The following MBTPS2 variants were observed in gnomAD, a reference collection of about 807,000 sequenced individuals.
MBTPS2 encodes the protein membrane-bound transcription factor site-2 protease.
In MBTPS2, 2 loss-of-function variants were observed where a neutral mutation model predicts 35.4. The observed-to-expected ratio is 0.06, with a 90% CI of 0.02 to 0.18. The LOEUF (loss-of-function observed/expected upper bound fraction) is 0.18, where lower values mean the gene tolerates loss of function less well. Among genes scored for constraint, MBTPS2 ranks in the 10% least tolerant of loss-of-function variants. The pLI is 1.00. For missense variants in MBTPS2, 244 were observed against 386.5 expected (o/e 0.63, Z 3.09); for synonymous variants, 125 against 140.4 (o/e 0.89, Z 0.77).
Position 21,885,218 on chromosome X carries a change from T to A in MBTPS2, c.*2563T>A. 3 of 751,750 alleles carry A rather than the reference T, an allele frequency of 4.0e-6. No individual in the cohort carries two copies. Among genetic ancestry groups the A allele is most frequent in the Non-Finnish European group, 4.7e-6 (3 of 636,938 alleles). The allele number at this position is 751,750 out of a possible 1,213,427, so 62.0% of individuals were successfully genotyped here. ...CTAACAGCAAATTGTAAACATGTGC[T>A]TCATAGATATTGTGGCTCTCAGTCA... On this transcript the variant is annotated 3_prime_UTR_variant, in exon 11 of 11. Coordinates refer to ENST00000379484, the MANE Select transcript of MBTPS2 (RefSeq NM_015884.4).
At chrX:21,845,446 A>T in intron 3 of MBTPS2, 62 bp downstream of exon 3, 1 of 1,040,051 alleles carries the variant, frequency 9.6e-7, no homozygotes, top group Non-Finnish European at 1.3e-6. Context: ...ACCACTTATG[A>T]TCTAGTGTAA....
chrX:21,861,124 G>C (rs1388500983), intron 5 of MBTPS2, among the ~76,000 whole-genome samples: 1 of 112,140 alleles, frequency 8.9e-6, no homozygotes, highest in Non-Finnish European at 1.9e-5. Context: ...GCAATGGATA[G>C]AAATAAGTAG....
At chrX:21,851,739 C>CA in intron 4 of MBTPS2, 127 bp downstream of exon 4, 1 of 512,117 alleles carries the variant, frequency 2.0e-6, no homozygotes, top group Non-Finnish European at 3.5e-6. Context: ...TTGCCTAGTG[C>CA]ATAGCCATCA....
intron 5 of MBTPS2, among the ~76,000 whole-genome samples, chrX:21,865,414 T>C (rs1409549332): frequency 8.9e-6 from 1 of 111,954 alleles, no homozygotes; most frequent in East Asian, 2.8e-4. Flanking sequence ...TAGATTGCTT[T>C]AAAAAAATTC....
chrX:21,851,285 G>T (rs1231827237), intron 3 of MBTPS2, among the ~76,000 whole-genome samples: 1 of 111,759 alleles, frequency 8.9e-6, no homozygotes, highest in Non-Finnish European at 1.9e-5. Context: ...TTAGACTGGT[G>T]GTGTGCTTGT....
chrX:21,856,316 C>T (rs1033284674), intron 5 of MBTPS2: 30 of 453,462 alleles, frequency 6.6e-5, no homozygotes, highest in Admixed American at 1.6e-4. Context: ...TTCTCTGCAG[C>T]TCGCGCCTTT....
chrX:21,868,485 T>C lies in MBTPS2; in HGVS notation c.689T>C (p.Val230Ala). The C allele has an allele frequency of 8.3e-7, 1 of 1,201,999 alleles. No homozygotes were observed. The highest frequency in any genetic ancestry group is 1.1e-6 in the Non-Finnish European group (1 of 886,676). ...TTTCCAGGTATCTGGCATAATTTTG[T>C]CCTTGCACTCTTGGGTATTTTAGCT... ...IFCAGIWHNF[V>A]LALLGILALV... The change falls in exon 6 of 11, where the codon GTC becomes GCC. Residue 230 changes from valine to alanine, a missense_variant. Coordinates refer to ENST00000379484, the MANE Select transcript of MBTPS2 (RefSeq NM_015884.4).
intron 5 of MBTPS2, among the ~76,000 whole-genome samples, chrX:21,854,085 A>C (rs1030635981): frequency 2.7e-5 from 3 of 111,926 alleles, no homozygotes; most frequent in Non-Finnish European, 5.6e-5. Flanking sequence ...ACAACAACAA[A>C]AAAAACCTGA....
chrX:21,854,879 T>C (rs1412361893), intron 5 of MBTPS2, among the ~76,000 whole-genome samples: 1 of 112,021 alleles, frequency 8.9e-6, no homozygotes, highest in East Asian at 2.8e-4. Flanking sequence ...ACCTGAAATT[T>C]AGAAATTTAT....
chrX:21,881,263 A>T lies in MBTPS2; in HGVS notation c.1337+291A>T, dbSNP rs73444530. Among the ~76,000 whole-genome samples, 5,242 of 111,885 alleles carry T rather than the reference A, an allele frequency of 0.047. 290 individuals carry two copies. The highest frequency in any genetic ancestry group is 0.16 in the African/African-American group (4,942 of 30,659). On this transcript the variant is annotated intron_variant, in intron 10 of 10. Coordinates refer to ENST00000379484, the MANE Select transcript of MBTPS2 (RefSeq NM_015884.4). ...AAACATTTTAGTAAGTTTATAAAGG[A>T]TGGAAGCTTCAGTTACTACTGAGGT...
At chrX:21,873,999 G>GTA (rs778982740) in intron 7 of MBTPS2, among the ~76,000 whole-genome samples, 107 of 62,864 alleles carry the variant, frequency 1.7e-3, no homozygotes, top group African/African-American at 4.4e-3. Flanking sequence ...GTGTGTGTGT[G>GTA]TGTATATATA....
Position 21,856,732 on chromosome X carries a change from C to T in MBTPS2, c.670+3229C>T, listed in dbSNP as rs2092923246. On this transcript the variant is annotated intron_variant, in intron 5 of 10. Coordinates refer to ENST00000379484, the MANE Select transcript of MBTPS2 (RefSeq NM_015884.4). The stretch of plus-strand genomic sequence containing the variant: ...GACCAGGAAATGCTTATGTTGCAGA[C>T]ACAAGAGGAAGTGGTGGGCTATTGC... 4.1e-6 allele frequency: 5 copies of T among 1,211,845 alleles called. No individual in the cohort carries two copies. The East Asian group carries it at 1.2e-4, about 29-fold the overall frequency.
At chrX:21,856,824 G>A in intron 5 of MBTPS2, 1 of 1,211,736 alleles carries the variant, frequency 8.3e-7, no homozygotes, top group Non-Finnish European at 1.1e-6. Flanking sequence ...CATTGAAGAC[G>A]AGCACTTCCA....
At chrX:21,841,896 C>G (rs2092903037) in intron 1 of MBTPS2, 1 of 111,713 alleles carries the variant, frequency 9.0e-6, no homozygotes, top group Non-Finnish European at 1.9e-5. Context: ...GCTGATCCAC[C>G]CTGGGCTTTT....
At chrX:21,857,076 G>A in intron 5 of MBTPS2, 2 of 1,211,806 alleles carry the variant, frequency 1.7e-6, no homozygotes, top group Non-Finnish European at 2.2e-6. Context: ...TGACCAAGGG[G>A]CAGTGGGTGA....
At chrX:21,840,788 A>T (rs1476201624) in intron 1 of MBTPS2, among the ~76,000 whole-genome samples, 1 of 112,392 alleles carries the variant, frequency 8.9e-6, no homozygotes, top group African/African-American at 3.2e-5. Context: ...TCTATCATTT[A>T]AACTTGTAAA....
chrX:21,848,961 T>C (rs912517781), intron 3 of MBTPS2, among the ~76,000 whole-genome samples: 6 of 112,135 alleles, frequency 5.4e-5, no homozygotes, highest in Non-Finnish European at 7.5e-5. Context: ...GAGGAAGACA[T>C]AGAGCGAATA....
chrX:21,850,135 A>T (rs2092913347), intron 3 of MBTPS2, among the ~76,000 whole-genome samples: 1 of 110,871 alleles, frequency 9.0e-6, no homozygotes, highest in Non-Finnish European at 1.9e-5. Flanking sequence ...CCTCCAAAAT[A>T]TTTAGGTGTG....
At chrX:21,868,852 C>T (rs774255300) in intron 6 of MBTPS2, among the ~76,000 whole-genome samples, 1 of 112,361 alleles carries the variant, frequency 8.9e-6, no homozygotes, top group Non-Finnish European at 1.9e-5. Flanking sequence ...TGGTAAAATG[C>T]ATCATTTACC....
Sources: allele counts gnomAD v4.1 joint callset (sites outside exome capture counted in the v4.1 genomes callset), GRCh38; gene constraint gnomAD v4.1.1; transcripts MANE v1.5; gene names NCBI Gene and HGNC (gene_info 2026-07-23, HGNC 2026-07-21).